The following THADA variants were observed in gnomAD, a reference collection of about 807,000 sequenced individuals.
The protein encoded by THADA is THADA armadillo repeat containing.
A neutral mutation model predicts 219.8 loss-of-function variants in THADA; 213 were observed. The ratio of observed to expected loss-of-function variants is 0.97; its 90% CI spans 0.87 to 1.09. THADA has a LOEUF of 1.09. Ranked by LOEUF, THADA falls within the 50% of genes least tolerant of loss-of-function variation. The pLI is 0.00. For missense variants in THADA, 2,956 were observed against 2,311.3 expected, an observed-to-expected ratio of 1.28 and a Z score of -5.72; for synonymous variants, 1,018 against 828.9, an observed-to-expected ratio of 1.23 and a Z score of -3.92.
intron 31 of THADA, among the ~76,000 whole-genome samples, chr2:43,295,239 C>A (rs190542094): frequency 6.6e-6 from 1 of 152,370 alleles, no homozygotes; most frequent in African/African-American, 2.4e-5. Context: ...AGTTGGCAAA[C>A]TTCAATTTCA....
intron 26 of THADA, among the ~76,000 whole-genome samples, chr2:43,446,167 T>C (rs1322739587): frequency 6.6e-6 from 1 of 152,274 alleles, no homozygotes; most frequent in Non-Finnish European, 1.5e-5. Context: ...AAATCATTTC[T>C]AAAATCTCAC....
chr2:43,489,630 G>A (rs1049150104), intron 25 of THADA, among the ~76,000 whole-genome samples: 1 of 151,964 alleles, frequency 6.6e-6, no homozygotes. Context: ...TTTGTTGAAG[G>A]CTATTCTTTC....
intron 17 of THADA, among the ~76,000 whole-genome samples, chr2:43,554,021 C>T (rs1697057843): frequency 1.3e-5 from 2 of 151,928 alleles, no homozygotes; most frequent in South Asian, 4.2e-4. Context: ...GACAAAAGTC[C>T]CTTATCAGAC....
intron 30 of THADA, among the ~76,000 whole-genome samples, chr2:43,337,267 T>C (rs983845182): frequency 1.6e-4 from 24 of 152,184 alleles, no homozygotes; most frequent in Admixed American, 3.9e-4. Context: ...TTTGGTAATA[T>C]AGAAAGTAAA....
At chr2:43,336,874 G>C (rs953326878) in intron 30 of THADA, among the ~76,000 whole-genome samples, 1 of 152,174 alleles carries the variant, frequency 6.6e-6, no homozygotes, top group African/African-American at 2.4e-5. Context: ...AGACGCGGCT[G>C]GGCGGGGGCC....
chr2:43,341,606 C>T (rs967446549), intron 30 of THADA, among the ~76,000 whole-genome samples: 32 of 152,138 alleles, frequency 2.1e-4, no homozygotes, highest in African/African-American at 6.8e-4. Context: ...TGACTTTCTA[C>T]GAGATGCATG....
At chr2:43,483,770 T>A (rs1258000371) in intron 26 of THADA, among the ~76,000 whole-genome samples, 4 of 151,294 alleles carry the variant, frequency 2.6e-5, no homozygotes, top group African/African-American at 4.8e-5. Flanking sequence ...TATATATTTA[T>A]ATATATATTC....
chr2:43,398,985 A>T lies in THADA; in HGVS notation c.4059-846T>A, dbSNP rs939874756. ...AAAGTCCTGGACAAGTTATTTTGAGATTCTAGAAAGGTCATTGTAAAGGCA... is the reference window on the plus strand; with the variant it reads ...AAAGTCCTGGACAAGTTATTTTGAGTTTCTAGAAAGGTCATTGTAAAGGCA... On this transcript the variant is annotated intron_variant, in intron 28 of 37. Coordinates refer to ENST00000405975, the MANE Select transcript of THADA (RefSeq NM_022065.5). 2.0e-5 allele frequency among the ~76,000 whole-genome samples: 3 copies of T among 152,170 alleles called. No homozygotes were observed. The East Asian group carries it at 5.8e-4, about 29-fold the overall frequency.
chr2:43,540,458 C>G lies in THADA; in HGVS notation c.3264+701G>C, dbSNP rs764278338. On this transcript the variant is annotated intron_variant, in intron 21 of 37. Coordinates refer to ENST00000405975, the MANE Select transcript of THADA (RefSeq NM_022065.5). The stretch of plus-strand genomic sequence containing the variant: ...TTGTTTTGTTCTTGAATTGTAACAC[C>G]CTAGGGAAAAAGTTGCCTTTATTTT... 8.5e-5 allele frequency among the ~76,000 whole-genome samples: 13 copies of G among 152,102 alleles called. No homozygotes were observed. The East Asian group carries it at 2.3e-3, about 27-fold the overall frequency.
chr2:43,434,343 T>A (rs74365854), intron 26 of THADA, among the ~76,000 whole-genome samples: 16,853 of 152,208 alleles, frequency 0.11, 1,073 homozygotes, highest in African/African-American at 0.16. Flanking sequence ...GGAGAAGGGC[T>A]GGTTCCTGGC....
chr2:43,514,342 T>C (rs1690890332), intron 22 of THADA, among the ~76,000 whole-genome samples: 1 of 150,026 alleles, frequency 6.7e-6, no homozygotes, highest in African/African-American at 2.4e-5. Context: ...TCTCAGCTAC[T>C]TGGGAGGCTG....
intron 29 of THADA, among the ~76,000 whole-genome samples, chr2:43,368,349 C>G (rs1402234871): frequency 1.3e-5 from 2 of 152,126 alleles, no homozygotes; most frequent in African/African-American, 4.8e-5. Context: ...TTGCTCAAAG[C>G]TAAAAGCCCT....
intron 32 of THADA, among the ~76,000 whole-genome samples, 152 bp from the exon 33 acceptor site, chr2:43,292,374 A>T (rs1462340083): frequency 6.6e-6 from 1 of 152,132 alleles, no homozygotes. Context: ...CCTTTGGGAG[A>T]CTGAGGCAGA....
intron 26 of THADA, 130 bp from the exon 27 acceptor site, chr2:43,430,432 T>C (rs1305210393): frequency 3.5e-6 from 2 of 572,654 alleles, no homozygotes; most frequent in Non-Finnish European, 6.2e-6. Context: ...AAAAACAGAA[T>C]CTACAGCATC....
intron 22 of THADA, among the ~76,000 whole-genome samples, chr2:43,512,353 G>C (rs569700306): frequency 3.9e-5 from 6 of 152,242 alleles, no homozygotes; most frequent in Non-Finnish European, 5.9e-5. Flanking sequence ...TTGCTTCTCA[G>C]CTCTGCACCT....
intron 30 of THADA, among the ~76,000 whole-genome samples, chr2:43,326,132 A>T (rs1679296749): frequency 6.7e-6 from 1 of 150,230 alleles, no homozygotes; most frequent in Non-Finnish European, 1.5e-5. Context: ...ATTAGGTCAT[A>T]TGTAAAAGCT....
intron 13 of THADA, among the ~76,000 whole-genome samples, chr2:43,571,459 C>T (rs916246568): frequency 1.3e-5 from 2 of 151,734 alleles, no homozygotes; most frequent in African/African-American, 4.8e-5. Context: ...ACTGTGTTGC[C>T]CAGGCTGATT....
chr2:43,510,575 C>CA (rs1363584654), intron 22 of THADA, among the ~76,000 whole-genome samples: 1 of 149,164 alleles, frequency 6.7e-6, no homozygotes, highest in Non-Finnish European at 1.5e-5. Context: ...GTTGACCAAT[C>CA]AAAAACTGAA....
In THADA at chr2:43,574,700, G is replaced by A. The variant is rs1034660406; in HGVS notation, c.1365C>T (p.Tyr455=). 6.2e-7 allele frequency: 1 copy of A among 1,613,894 alleles called. No homozygotes were observed. Among genetic ancestry groups the A allele is most frequent in the African/African-American group, 1.3e-5 (1 of 74,920 alleles). Residue 455 remains tyrosine, a synonymous_variant, in exon 11 of 38, where the codon TAC becomes TAT. Transcript: ENST00000405975. The part of the protein sequence containing the change: ...LRLEWHIKGK[Y]TCLGCLVECI... ...ACTCTACCAAACAACCAAGGCACGTGTACTTTCCTTTAATATGCCATTCCA... is the reference window on the plus strand; with the variant it reads ...ACTCTACCAAACAACCAAGGCACGTATACTTTCCTTTAATATGCCATTCCA...
Sources: allele counts gnomAD v4.1 joint callset (sites outside exome capture counted in the v4.1 genomes callset), GRCh38; gene constraint gnomAD v4.1.1; transcripts MANE v1.5; gene names NCBI Gene and HGNC (gene_info 2026-07-23, HGNC 2026-07-21).